Variants in MAPKAPK3 observed in about 807,000 individuals in gnomAD.
MAPKAPK3 encodes MAPK activated protein kinase 3, also known as MAP kinase-activated protein kinase 3.
MAPKAPK3 carries 35 observed loss-of-function variants against 49.2 expected under a neutral mutation model. The observed-to-expected ratio is 0.71, with a 90% CI of 0.54 to 0.94. MAPKAPK3 has a LOEUF of 0.94. MAPKAPK3 is among the 40% of genes least tolerant of loss of function. MAPKAPK3 has a pLI of 0.00. For missense variants in MAPKAPK3, 398 were observed against 493.1 expected, an observed-to-expected ratio of 0.81 and a Z score of 1.83; for synonymous variants, 178 against 188.7, an observed-to-expected ratio of 0.94 and a Z score of 0.46.
At chr3:50,640,538 C>T (rs755897736) in intron 3 of MAPKAPK3, 33 bp downstream of exon 3, 44 of 1,573,996 alleles carry the variant, frequency 2.8e-5, no homozygotes, top group Middle Eastern at 1.9e-4. Flanking sequence ...CACACCCCCT[C>T]GGCATCCCTG....
intron 2 of MAPKAPK3, among the ~76,000 whole-genome samples, chr3:50,622,196 G>T (rs1414944231): frequency 6.6e-6 from 1 of 152,216 alleles, no homozygotes; most frequent in Non-Finnish European, 1.5e-5. Flanking sequence ...TCTCCTGACA[G>T]ATGGGAAACT....
At chr3:50,634,321 G>T (rs1266166365) in intron 2 of MAPKAPK3, among the ~76,000 whole-genome samples, 3 of 152,092 alleles carry the variant, frequency 2.0e-5, no homozygotes, top group Non-Finnish European at 2.9e-5. Flanking sequence ...GTGTGAATGT[G>T]TGTCTGTGTG....
chr3:50,635,141 C>T (rs549502787), intron 2 of MAPKAPK3, among the ~76,000 whole-genome samples: 1 of 152,316 alleles, frequency 6.6e-6, no homozygotes, highest in African/African-American at 2.4e-5. Context: ...TGCTCATTCT[C>T]ATGCCTGGGA....
intron 8 of MAPKAPK3, 108 bp from the exon 9 acceptor site, chr3:50,646,632 T>G (rs2033305854): frequency 2.1e-6 from 2 of 934,996 alleles, no homozygotes; most frequent in South Asian, 2.8e-5. Flanking sequence ...GTTGGGAATT[T>G]GGGAGCACAT....
chr3:50,644,467 T>C lies in MAPKAPK3; in HGVS notation c.563T>C (p.Phe188Ser). 6.2e-7 allele frequency: 1 copy of C among 1,614,206 alleles called. No homozygotes were observed. The highest frequency in any genetic ancestry group is 8.5e-7 in the Non-Finnish European group (1 of 1,180,026). The change falls in exon 6 of 11, where the codon TTT (phenylalanine) becomes TCT (serine). Residue 188 changes from phenylalanine to serine, a missense_variant. By Grantham distance (155) the Phe-to-Ser change is radical. This residue lies in a region of MAPKAPK3 where 30 missense variants were observed against 70.5 expected (regional missense o/e 0.43). Transcript: ENST00000621469. ...GACGCAGTGCTTAAGCTCACCGATT[T>C]TGGCTTTGCTAAGGAGACCACCCAA... ...EKDAVLKLTD[F>S]GFAKETTQNA...
At chr3:50,647,287 G>C (rs986280748) in intron 10 of MAPKAPK3, 84 bp downstream of exon 10, 1 of 1,169,754 alleles carries the variant, frequency 8.5e-7, no homozygotes. Context: ...CCAGGGTCTG[G>C]GGTCTTTGGC....
chr3:50,648,178 T>C lies in MAPKAPK3; in HGVS notation c.*132T>C, dbSNP rs2033350581. 1 of 1,004,408 alleles carries C rather than the reference T, an allele frequency of 1.0e-6. No individual in the cohort carries two copies. The highest frequency in any genetic ancestry group is 1.6e-5 in the African/African-American group (1 of 61,134). 62.2% of individuals were successfully genotyped at this position (1,004,408 alleles called of 1,614,324 possible). ...ATTTTGTTGTGTTTTAATTTGTCAC[T>C]CGGAACTTCAGGATGGAGGACCCTG... On this transcript the variant is annotated 3_prime_UTR_variant, in exon 11 of 11. Coordinates refer to ENST00000621469, the MANE Select transcript of MAPKAPK3 (RefSeq NM_001243925.2).
At chr3:50,646,971 A>G in intron 9 of MAPKAPK3, 146 bp downstream of exon 9, 1 of 1,014,366 alleles carries the variant, frequency 9.9e-7, no homozygotes, top group Middle Eastern at 2.1e-4. Flanking sequence ...CTCACCTACA[A>G]CCTGGCTTTG....
At chr3:50,633,930 T>C (rs1480752453) in intron 2 of MAPKAPK3, among the ~76,000 whole-genome samples, 1 of 152,230 alleles carries the variant, frequency 6.6e-6, no homozygotes, top group Admixed American at 6.5e-5. Context: ...ATAGTGGTGA[T>C]AGTGAGGGGC....
chr3:50,613,205 G>C (rs1314498233), upstream of MAPKAPK3, among the ~76,000 whole-genome samples: 1 of 152,104 alleles, frequency 6.6e-6, no homozygotes, highest in Non-Finnish European at 1.5e-5. Context: ...AGGGATGACA[G>C]ACCCCTGGCC....
intron 5 of MAPKAPK3, 84 bp from the exon 6 acceptor site, chr3:50,644,324 CG>C (rs2033240471): frequency 6.6e-7 from 1 of 1,517,572 alleles, no homozygotes; most frequent in Admixed American, 1.7e-5. Context: ...GGGATGGAGT[CG>C]GGGAGTCTGG....
chr3:50,636,269 C>G (rs1266508785), intron 2 of MAPKAPK3, among the ~76,000 whole-genome samples: 1 of 152,186 alleles, frequency 6.6e-6, no homozygotes, highest in Non-Finnish European at 1.5e-5. Flanking sequence ...GGGGATCAGC[C>G]ATGTGATTTG....
Position 50,640,488 on chromosome 3 carries a change from C to G in MAPKAPK3, c.342C>G (p.Leu114=). The G allele has an allele frequency of 2.5e-6, 4 of 1,612,400 alleles. No homozygotes were observed. Among genetic ancestry groups the G allele is most frequent in the Non-Finnish European group, 3.4e-6 (4 of 1,178,670 alleles). ...YENMHHGKRC[L]LIIMECMEGG... ...ACATGCACCATGGCAAGCGCTGTCT[C>G]CTCATCATCATGGAATGGTATGCTG... The change falls in exon 3 of 11, where the codon CTC becomes CTG. Residue 114 remains leucine, a synonymous_variant. Coordinates refer to ENST00000621469, the MANE Select transcript of MAPKAPK3 (RefSeq NM_001243925.2).
intron 2 of MAPKAPK3, among the ~76,000 whole-genome samples, chr3:50,626,862 C>T (rs2032759668): frequency 6.6e-6 from 1 of 152,186 alleles, no homozygotes; most frequent in Non-Finnish European, 1.5e-5. Flanking sequence ...GTGTGTGCTC[C>T]TCTGGGGATC....
In MAPKAPK3 at chr3:50,645,690, C is replaced by G; in HGVS notation, c.629-20C>G. 6.2e-7 allele frequency: 1 copy of G among 1,608,860 alleles called. No individual in the cohort carries two copies. Among genetic ancestry groups the G allele is most frequent in the South Asian group, 1.1e-5 (1 of 90,986 alleles). On this transcript the variant is annotated intron_variant, in intron 6 of 10. Transcript: ENST00000621469. ...AAGACCCTTGGGTCTGAGAGCCCTGCTGTCCCTCTGCCCTGGCAGCCCCTG... is the reference window on the plus strand; with the variant it reads ...AAGACCCTTGGGTCTGAGAGCCCTGGTGTCCCTCTGCCCTGGCAGCCCCTG...
At chr3:50,631,529 G>A (rs1306207808) in intron 2 of MAPKAPK3, among the ~76,000 whole-genome samples, 2 of 152,228 alleles carry the variant, frequency 1.3e-5, no homozygotes. Context: ...TGGCAGGGCC[G>A]TGTGTGTTAA....
chr3:50,646,048 G>A, intron 7 of MAPKAPK3, 92 bp from the exon 8 acceptor site: 1 of 1,484,992 alleles, frequency 6.7e-7, no homozygotes, highest in Non-Finnish European at 9.2e-7. Context: ...GTGTCTGGTT[G>A]TCTGTCTCCC....
intron 6 of MAPKAPK3, among the ~76,000 whole-genome samples, chr3:50,645,370 A>G (rs1413097762): frequency 6.6e-6 from 1 of 152,188 alleles, no homozygotes; most frequent in Non-Finnish European, 1.5e-5. Flanking sequence ...CAAGGGACAC[A>G]GGACAGCTGG....
upstream of MAPKAPK3, chr3:50,611,638 C>T: frequency 6.6e-7 from 1 of 1,506,840 alleles, no homozygotes; most frequent in African/African-American, 1.4e-5. Context: ...TACCCCTGAA[C>T]GCAGAGGACC....
Sources: gnomAD v4.1 joint callset for allele counts (sites outside exome capture counted in the v4.1 genomes callset) on GRCh38, gnomAD v4.1.1 for gene constraint, gnomAD v4.1.1 regional missense constraint, MANE v1.5 for transcripts, NCBI Gene and HGNC (gene_info 2026-07-23, HGNC 2026-07-21) for gene names.